The following COL14A1 variants were observed in gnomAD, a reference collection of about 807,000 sequenced individuals.
The protein encoded by COL14A1 is collagen type XIV alpha 1 chain.
COL14A1 carries 136 observed loss-of-function variants against 230.3 expected under a neutral mutation model. The ratio of observed to expected loss-of-function variants is 0.59; its 90% CI spans 0.51 to 0.68. COL14A1 has a LOEUF of 0.68. COL14A1 is among the 30% of genes least tolerant of loss of function. COL14A1 has a pLI of 0.00. For missense variants in COL14A1, 1,976 were observed against 2,215.8 expected (o/e 0.89, Z 2.17); for synonymous variants, 792 against 784.1 (o/e 1.01, Z -0.17).
At chr8:120,197,070 C>G in intron 6 of COL14A1, 124 bp downstream of exon 6, 1 of 840,194 alleles carries the variant, frequency 1.2e-6, no homozygotes, top group Non-Finnish European at 1.9e-6. Context: ...TCATGGTCCC[C>G]TAAAGTACAT....
Position 120,158,153 on chromosome 8 carries a change from T to C in COL14A1, c.112T>C (p.Tyr38His). The C allele has an allele frequency of 4.4e-6, 7 of 1,597,384 alleles. No individual in the cohort carries two copies. The highest frequency in any genetic ancestry group is 6.0e-6 in the Non-Finnish European group (7 of 1,170,560). The stretch of plus-strand genomic sequence containing the variant: ...AGTGGCTCCACCCACAAGGTTAAGA[T>C]ATAATGTAATATCTCATGACAGTAT... ...GQVAPPTRLR[Y>H]NVISHDSIQI... The change falls in exon 3 of 48, where the codon TAT (tyrosine) becomes CAT (histidine). Residue 38 changes from tyrosine to histidine, a missense_variant. Coordinates refer to ENST00000297848, the MANE Select transcript of COL14A1 (RefSeq NM_021110.4).
chr8:120,247,200 G>C (rs1046510288), intron 20 of COL14A1, among the ~76,000 whole-genome samples: 1 of 152,182 alleles, frequency 6.6e-6, no homozygotes, highest in African/African-American at 2.4e-5. Context: ...AAGGAGAATG[G>C]ATCACAAGGT....
intron 1 of COL14A1, among the ~76,000 whole-genome samples, chr8:120,134,044 C>G (rs1814630873): frequency 6.6e-6 from 1 of 151,790 alleles, no homozygotes; most frequent in Admixed American, 6.6e-5. Context: ...TAGAAATAAA[C>G]TCAAAATGTC....
At chr8:120,325,040 A>G (rs188271498) in intron 40 of COL14A1, among the ~76,000 whole-genome samples, 65 of 152,318 alleles carry the variant, frequency 4.3e-4, no homozygotes, top group African/African-American at 1.5e-3. Context: ...GAAATGTTTA[A>G]TTAAATGTCT....
intron 19 of COL14A1, among the ~76,000 whole-genome samples, chr8:120,234,988 A>G (rs1818391912): frequency 6.6e-6 from 1 of 152,152 alleles, no homozygotes; most frequent in African/African-American, 2.4e-5. Context: ...CCTCAATTTC[A>G]GAACTTGTTA....
chr8:120,314,090 G>C (rs184111938), intron 38 of COL14A1, 63 bp downstream of exon 38: 6 of 1,227,480 alleles, frequency 4.9e-6, no homozygotes, highest in Non-Finnish European at 6.9e-6. Context: ...AGGTTACAAA[G>C]AATGAACTTT....
At chr8:120,168,383 C>A in intron 5 of COL14A1, 136 bp downstream of exon 5, 1 of 576,212 alleles carries the variant, frequency 1.7e-6, no homozygotes, top group Non-Finnish European at 3.1e-6. Context: ...CCTCTTTGTA[C>A]TCTTCCTTCC....
intron 5 of COL14A1, among the ~76,000 whole-genome samples, chr8:120,184,806 G>C (rs185710174): frequency 2.0e-5 from 3 of 152,244 alleles, no homozygotes; most frequent in Non-Finnish European, 4.4e-5. Flanking sequence ...AGTCAGGCAG[G>C]CTTCTCTCTT....
chr8:120,189,699 T>C (rs1445544235), intron 5 of COL14A1, among the ~76,000 whole-genome samples: 1 of 143,098 alleles, frequency 7.0e-6, no homozygotes, highest in African/African-American at 2.5e-5. Context: ...GTGTTCTCAT[T>C]GTTCAGTTCC....
At chr8:120,167,032 A>G (rs565080789) in intron 4 of COL14A1, among the ~76,000 whole-genome samples, 1 of 151,894 alleles carries the variant, frequency 6.6e-6, no homozygotes, top group African/African-American at 2.4e-5. Context: ...ATCAGGATCA[A>G]GGTATCTTAC....
intron 24 of COL14A1, among the ~76,000 whole-genome samples, chr8:120,264,143 C>T (rs1245780515): frequency 6.6e-6 from 1 of 152,152 alleles, no homozygotes; most frequent in African/African-American, 2.4e-5. Flanking sequence ...CCCTGAGCCT[C>T]AGACAATCTA....
chr8:120,310,191 T>C (rs1267731255), intron 37 of COL14A1, 129 bp downstream of exon 37: 33 of 864,324 alleles, frequency 3.8e-5, no homozygotes, highest in Non-Finnish European at 3.5e-6. Context: ...TTTATGAAAG[T>C]TGTGCCTAAC....
At chr8:120,138,650 G>A (rs989382133) in intron 1 of COL14A1, among the ~76,000 whole-genome samples, 4 of 152,160 alleles carry the variant, frequency 2.6e-5, no homozygotes, top group African/African-American at 7.2e-5. Flanking sequence ...TAACAGATAA[G>A]TGTAATAATT....
chr8:120,228,222 C>A (rs570762481), intron 17 of COL14A1, among the ~76,000 whole-genome samples: 33 of 152,154 alleles, frequency 2.2e-4, no homozygotes, highest in African/African-American at 7.5e-4. Flanking sequence ...GTGTGTTGAC[C>A]CTAAAAAGAG....
chr8:120,152,450 A>G (rs1484785370), intron 2 of COL14A1, among the ~76,000 whole-genome samples: 3 of 136,440 alleles, frequency 2.2e-5, no homozygotes, highest in South Asian at 4.9e-4. Flanking sequence ...AGCTTGGGCG[A>G]CACAGCGAGA....
At chr8:120,296,381 T>A (rs1461232271) in intron 34 of COL14A1, among the ~76,000 whole-genome samples, 1 of 151,988 alleles carries the variant, frequency 6.6e-6, no homozygotes, top group Non-Finnish European at 1.5e-5. Context: ...CTGCTTACTG[T>A]CAGAACAAGT....
Position 120,300,734 on chromosome 8 carries a change from AGAT to A in COL14A1, c.4323_4325del (p.Asp1441del), listed in dbSNP as rs1263985136. On this transcript the variant is annotated inframe_deletion, in exon 36 of 48. Transcript: ENST00000297848. ...GTGCTTTTTTTGTTTCTTTTCAGAG[AGAT>A]GATGAGTCTTGCCCAGACCTTCCCC... The A allele has an allele frequency of 1.9e-6, 3 of 1,611,940 alleles. No individual in the cohort carries two copies. The highest frequency in any genetic ancestry group is 2.5e-6 in the Non-Finnish European group (3 of 1,179,040).
intron 2 of COL14A1, among the ~76,000 whole-genome samples, chr8:120,151,195 T>C (rs1815267374): frequency 6.6e-6 from 1 of 152,154 alleles, no homozygotes; most frequent in South Asian, 2.1e-4. Context: ...TTTCTACCAT[T>C]ACGCCTCTTA....
intron 26 of COL14A1, 87 bp downstream of exon 26, chr8:120,270,261 G>A: frequency 2.3e-6 from 3 of 1,312,274 alleles, no homozygotes; most frequent in Non-Finnish European, 3.1e-6. Context: ...GGGACTATAG[G>A]TCAAGAACTG....
Sources: gnomAD v4.1 joint callset for allele counts (sites outside exome capture counted in the v4.1 genomes callset) on GRCh38, gnomAD v4.1.1 for gene constraint, MANE v1.5 for transcripts, NCBI Gene and HGNC (gene_info 2026-07-23, HGNC 2026-07-21) for gene names.